SLC35F3: variants seen among roughly 807,000 people sequenced by gnomAD.
SLC35F3 encodes the protein solute carrier family 35 member F3.
SLC35F3 carries 25 observed loss-of-function variants against 49.9 expected under a neutral mutation model. The ratio of observed to expected loss-of-function variants is 0.50; its 90% CI spans 0.37 to 0.70. The LOEUF (loss-of-function observed/expected upper bound fraction) is 0.70, where lower values mean the gene tolerates loss of function less well. SLC35F3 is among the 30% of genes least tolerant of loss of function. The pLI is 0.00. For missense variants in SLC35F3, 525 were observed against 639.8 expected (o/e 0.82, Z 1.94); for synonymous variants, 275 against 265.4 (o/e 1.04, Z -0.35).
intron 3 of SLC35F3, among the ~76,000 whole-genome samples, chr1:234,232,531 A>AAAAAG (rs1469968878): frequency 9.4e-5 from 14 of 148,998 alleles, no homozygotes; most frequent in Admixed American, 6.0e-4. Context: ...AAAAAAAAAA[A>AAAAAG]AAAAAAAAAG....
chr1:234,255,356 A>G (rs1399015421), intron 3 of SLC35F3, among the ~76,000 whole-genome samples: 6 of 152,224 alleles, frequency 3.9e-5, no homozygotes, highest in Non-Finnish European at 7.3e-5. Flanking sequence ...AACACCAAAT[A>G]TTGCTGAGAA....
intron 2 of SLC35F3, among the ~76,000 whole-genome samples, chr1:234,201,546 T>C (rs1666900049): frequency 6.6e-6 from 1 of 152,226 alleles, no homozygotes; most frequent in African/African-American, 2.4e-5. Context: ...ATTAGGTTGC[T>C]ACAAATCCCA....
At chr1:233,911,079 A>G (rs904931147) in intron 2 of SLC35F3, among the ~76,000 whole-genome samples, 1 of 152,192 alleles carries the variant, frequency 6.6e-6, no homozygotes, top group Non-Finnish European at 1.5e-5. Flanking sequence ...ATGTTTCAGG[A>G]TTCTCCAGGT....
intron 2 of SLC35F3, among the ~76,000 whole-genome samples, chr1:234,158,856 G>A (rs1416874894): frequency 3.3e-5 from 5 of 152,118 alleles, no homozygotes; most frequent in African/African-American, 1.2e-4. Context: ...TGCTTTATAA[G>A]ATATTAGAAA....
chr1:234,296,426 G>A lies in SLC35F3; in HGVS notation c.609-12675G>A, dbSNP rs112453812. On this transcript the variant is annotated intron_variant, in intron 3 of 7. Transcript: ENST00000366618. ...ATATTTTAATGGACTCTTTAGAATAGGAAGAGTGGTTTCTGATATGGAGAG... is the reference window on the plus strand; with the variant it reads ...ATATTTTAATGGACTCTTTAGAATAAGAAGAGTGGTTTCTGATATGGAGAG... Among the ~76,000 whole-genome samples, 711 of 152,320 alleles carry A rather than the reference G, an allele frequency of 4.7e-3. 11 individuals are homozygous for A. The highest frequency in any genetic ancestry group is 0.016 in the African/African-American group (673 of 41,562).
At chr1:233,944,744 A>C (rs1662485248) in intron 2 of SLC35F3, among the ~76,000 whole-genome samples, 1 of 152,226 alleles carries the variant, frequency 6.6e-6, no homozygotes, top group African/African-American at 2.4e-5. Flanking sequence ...GAGAAACAAA[A>C]AGCTATAGAA....
chr1:234,090,194 A>G (rs1232628365), intron 2 of SLC35F3, among the ~76,000 whole-genome samples: 1 of 152,272 alleles, frequency 6.6e-6, no homozygotes, highest in Non-Finnish European at 1.5e-5. Context: ...TCATTGAATC[A>G]TCCTTAGTCA....
chr1:234,028,457 C>T (rs1390751250), intron 2 of SLC35F3, among the ~76,000 whole-genome samples: 2 of 152,190 alleles, frequency 1.3e-5, no homozygotes, highest in African/African-American at 2.4e-5. Flanking sequence ...TGGCCTCACA[C>T]ATCTACTCAC....
chr1:234,139,854 A>G (rs922344775), intron 2 of SLC35F3, among the ~76,000 whole-genome samples: 3 of 151,726 alleles, frequency 2.0e-5, no homozygotes, highest in Non-Finnish European at 4.4e-5. Context: ...AGGCTGAGGC[A>G]GGAGAATCGC....
intron 2 of SLC35F3, among the ~76,000 whole-genome samples, chr1:234,054,287 G>A (rs1005886982): frequency 1.5e-4 from 23 of 152,146 alleles, no homozygotes; most frequent in Non-Finnish European, 3.1e-4. Context: ...CCATTCAGAC[G>A]TAGATTTGGT....
At chr1:234,313,745 AC>A (rs1210842193) in intron 4 of SLC35F3, among the ~76,000 whole-genome samples, 2 of 152,196 alleles carry the variant, frequency 1.3e-5, no homozygotes, top group Non-Finnish European at 1.5e-5. Context: ...ACATGGAACC[AC>A]AGGGCGGACT....
chr1:234,011,954 G>A (rs988389328), intron 2 of SLC35F3, among the ~76,000 whole-genome samples: 2 of 152,100 alleles, frequency 1.3e-5, no homozygotes, highest in Admixed American at 1.3e-4. Flanking sequence ...CCAAGGACCT[G>A]CACGGGCACC....
intron 2 of SLC35F3, among the ~76,000 whole-genome samples, chr1:234,225,312 GC>G (rs1385039953): frequency 6.6e-6 from 1 of 151,504 alleles, no homozygotes; most frequent in Non-Finnish European, 1.5e-5. Context: ...CTTGCAAATG[GC>G]CATAAACAAA....
chr1:234,303,386 G>T (rs1401568347), intron 3 of SLC35F3, among the ~76,000 whole-genome samples: 1 of 152,200 alleles, frequency 6.6e-6, no homozygotes, highest in Non-Finnish European at 1.5e-5. Flanking sequence ...GGAGCCTTCT[G>T]CGGTTCCCGG....
intron 2 of SLC35F3, among the ~76,000 whole-genome samples, chr1:234,019,487 T>C (rs1341128001): frequency 6.6e-6 from 1 of 152,170 alleles, no homozygotes; most frequent in Non-Finnish European, 1.5e-5. Context: ...AGAGTCGATG[T>C]TGCAGCTTGA....
chr1:234,297,539 G>A (rs1013527453), intron 3 of SLC35F3, among the ~76,000 whole-genome samples: 2 of 152,160 alleles, frequency 1.3e-5, no homozygotes, highest in African/African-American at 4.8e-5. Flanking sequence ...CAGACACAAA[G>A]GGACAAATAC....
rs1657579574 is a variant in SLC35F3 at position 234,320,037 on chromosome 1, C to G, written c.1148-61C>G. The G allele has an allele frequency of 8.4e-7, 1 of 1,187,774 alleles. No homozygotes were observed. The highest frequency in any genetic ancestry group is 1.5e-5 in the African/African-American group (1 of 66,612). 73.6% of individuals were successfully genotyped at this position (1,187,774 alleles called of 1,614,324 possible). A position where few individuals can be genotyped will look rare whatever the true frequency, so the allele number is the denominator to read the frequency against. On this transcript the variant is annotated intron_variant, in intron 6 of 7. Coordinates refer to ENST00000366618, the MANE Select transcript of SLC35F3 (RefSeq NM_173508.4). This position sits in a 1 kb window ranked among gnomAD's most constrained non-coding sequence, Gnocchi z 4.8. The stretch of plus-strand genomic sequence containing the variant: ...GGAAAACCTGGGTCAGATAGGCCAG[C>G]AGGGAGGTAAAGTACACAGCAGTCA...
intron 2 of SLC35F3, among the ~76,000 whole-genome samples, chr1:234,062,936 G>A (rs971291268): frequency 1.3e-5 from 2 of 150,120 alleles, no homozygotes; most frequent in Admixed American, 1.3e-4. Flanking sequence ...TGATCCGCCC[G>A]CCTCGGCCTC....
At chr1:233,906,779 A>C (rs1271884738) in intron 2 of SLC35F3, among the ~76,000 whole-genome samples, 1 of 152,196 alleles carries the variant, frequency 6.6e-6, no homozygotes, top group Non-Finnish European at 1.5e-5. Context: ...GTCTATCTTT[A>C]GATTATTCCT....
Sources: allele counts gnomAD v4.1 joint callset (sites outside exome capture counted in the v4.1 genomes callset), GRCh38; gene constraint gnomAD v4.1.1; non-coding constraint Gnocchi (gnomAD v3.1); transcripts MANE v1.5; gene names NCBI Gene and HGNC (gene_info 2026-07-23, HGNC 2026-07-21).